FHIP1A: variants seen among roughly 807,000 people sequenced by gnomAD.
FHIP1A encodes FHF complex subunit HOOK-interacting protein 1A.
FHIP1A carries 61 observed loss-of-function variants against 88.6 expected under a neutral mutation model. The observed-to-expected ratio is 0.69, with a 90% CI of 0.56 to 0.85. The LOEUF (loss-of-function observed/expected upper bound fraction) is 0.85, where lower values mean the gene tolerates loss of function less well. Among genes scored for constraint, FHIP1A ranks in the 40% least tolerant of loss-of-function variants. The pLI is 0.00. For synonymous variants in FHIP1A, 478 were observed against 496.0 expected (o/e 0.96, Z 0.48); for missense variants, 1,154 against 1,273.5 (o/e 0.91, Z 1.43).
chr4:151,638,101 A>G (rs1736423339), intron 8 of FHIP1A, among the ~76,000 whole-genome samples: 1 of 152,184 alleles, frequency 6.6e-6, no homozygotes, highest in South Asian at 2.1e-4. Context: ...GTTTTAAAGA[A>G]CTTTTTAGAA....
intron 3 of FHIP1A, among the ~76,000 whole-genome samples, chr4:151,530,193 G>C (rs192115064): frequency 4.5e-4 from 69 of 152,280 alleles, no homozygotes; most frequent in Non-Finnish European, 8.2e-4. Flanking sequence ...TCCTGAGTTG[G>C]AGAACACTAG....
intron 2 of FHIP1A, among the ~76,000 whole-genome samples, chr4:151,456,595 AT>A (rs1469141983): frequency 1.3e-5 from 2 of 152,236 alleles, no homozygotes; most frequent in African/African-American, 4.8e-5. Context: ...TTGTTAAAAT[AT>A]ATAAACATTT....
chr4:151,542,116 T>A (rs1384508518), intron 3 of FHIP1A, among the ~76,000 whole-genome samples: 1 of 152,182 alleles, frequency 6.6e-6, no homozygotes, highest in Non-Finnish European at 1.5e-5. Flanking sequence ...CAGTAAATTC[T>A]GTTCCCCTTC....
At chr4:151,559,580 A>G (rs998002116) in intron 3 of FHIP1A, among the ~76,000 whole-genome samples, 2 of 152,226 alleles carry the variant, frequency 1.3e-5, no homozygotes, top group African/African-American at 4.8e-5. Context: ...TGGCAGCCTT[A>G]TCCTATCAGT....
At chr4:151,541,932 C>T (rs1732309544) in intron 3 of FHIP1A, among the ~76,000 whole-genome samples, 1 of 152,132 alleles carries the variant, frequency 6.6e-6, no homozygotes, top group Non-Finnish European at 1.5e-5. Context: ...ATTGAGACAG[C>T]CAAGTAAAAA....
chr4:151,511,642 A>T (rs572139746), intron 3 of FHIP1A, among the ~76,000 whole-genome samples: 1 of 152,220 alleles, frequency 6.6e-6, no homozygotes, highest in African/African-American at 2.4e-5. Context: ...TATCCCGCAC[A>T]TGGCTCGGAG....
In FHIP1A at chr4:151,505,352, C is replaced by T. The variant is rs116708018; in HGVS notation, c.-123+22704C>T. 8.3e-3 allele frequency among the ~76,000 whole-genome samples: 1,256 copies of T among 152,216 alleles called. 10 individuals carry two copies. The highest frequency in any genetic ancestry group is 0.011 in the Non-Finnish European group (780 of 67,994). On this transcript the variant is annotated intron_variant, in intron 3 of 13. Transcript: ENST00000435205. ...CATGATTATTATCCTTACAAAACTA[C>T]ATGAAATAAGAAAGGAGTCCCCAAA...
intron 3 of FHIP1A, among the ~76,000 whole-genome samples, chr4:151,561,832 T>A (rs1024550472): frequency 3.3e-5 from 5 of 152,126 alleles, no homozygotes; most frequent in Admixed American, 2.0e-4. Flanking sequence ...CAAATATGCC[T>A]TAGTAGTAAA....
At chr4:151,584,716 G>A (rs1023298250) in intron 5 of FHIP1A, among the ~76,000 whole-genome samples, 2 of 151,988 alleles carry the variant, frequency 1.3e-5, no homozygotes, top group African/African-American at 4.8e-5. Flanking sequence ...TCTGATTCCC[G>A]TTTACCTTGC....
intron 5 of FHIP1A, among the ~76,000 whole-genome samples, chr4:151,579,095 G>A (rs553371845): frequency 1.4e-4 from 21 of 152,256 alleles, no homozygotes; most frequent in Admixed American, 1.3e-3. Flanking sequence ...GAGCATTGGG[G>A]CAGGGTGAGG....
At position 151,416,179 on chromosome 4, in the gene FHIP1A, T is replaced by C. The variant is rs1732883408; in HGVS notation, c.-356+6714T>C. ...GTGTGGAAAATGTGAAATAAGATAC[T>C]TTGGCTAAATTTCATGACTCAGGCT... On this transcript the variant is annotated intron_variant, in intron 1 of 13. Transcript: ENST00000435205. Among the ~76,000 whole-genome samples, 6 of 152,350 alleles carry C rather than the reference T, an allele frequency of 3.9e-5. No homozygotes were observed. In the South Asian group the frequency reaches 1.2e-3, roughly 32 times the overall value.
intron 2 of FHIP1A, among the ~76,000 whole-genome samples, chr4:151,455,071 T>A (rs1338262637): frequency 6.6e-6 from 1 of 152,196 alleles, no homozygotes; most frequent in Non-Finnish European, 1.5e-5. Context: ...GTATAGATGA[T>A]GATTTGACTC....
At chr4:151,510,298 G>C (rs1442286040) in intron 3 of FHIP1A, among the ~76,000 whole-genome samples, 3 of 151,894 alleles carry the variant, frequency 2.0e-5, no homozygotes, top group Admixed American at 6.6e-5. Flanking sequence ...TGTAGAGATG[G>C]GGGTCTTACT....
chr4:151,649,615 A>G lies in FHIP1A; in HGVS notation c.1574A>G (p.Tyr525Cys). ...GACTGCCGTGTCTGGTCCGCCCTGTATGATGGCGACTCCCCCGACCCTGAG... is the reference window on the plus strand; with the variant it reads ...GACTGCCGTGTCTGGTCCGCCCTGTGTGATGGCGACTCCCCCGACCCTGAG... ...MRDCRVWSAL[Y>C]DGDSPDPEMF... Residue 525 changes from tyrosine (Y) to cysteine (C), a missense_variant, in exon 11 of 14, where the codon TAT (tyrosine) becomes TGT (cysteine). Physicochemically the swap from Tyr to Cys is radical, Grantham distance 194. Coordinates refer to ENST00000435205, the MANE Select transcript of FHIP1A (RefSeq NM_001109977.3). 2 of 1,551,702 alleles carry G rather than the reference A, an allele frequency of 1.3e-6. No individual in the cohort carries two copies. Among genetic ancestry groups the G allele is most frequent in the Middle Eastern group, 1.7e-4 (1 of 5,992 alleles).
chr4:151,468,154 A>G (rs534531404), intron 2 of FHIP1A, among the ~76,000 whole-genome samples: 1 of 151,844 alleles, frequency 6.6e-6, no homozygotes, highest in African/African-American at 2.4e-5. Flanking sequence ...GTGTGGTGGC[A>G]GGCACCTGTA....
chr4:151,649,873 T>C lies in FHIP1A; in HGVS notation c.1832T>C (p.Ile611Thr), dbSNP rs1736946649. ...DLEVSGPPAP[I>T]DPPKHIQEMK... ...GAGGTTTCAGGCCCCCCAGCACCCATTGATCCCCCCAAACACATCCAGGAG... is the reference window on the plus strand; with the variant it reads ...GAGGTTTCAGGCCCCCCAGCACCCACTGATCCCCCCAAACACATCCAGGAG... The change falls in exon 11 of 14, where the codon ATT (isoleucine) becomes ACT (threonine). Residue 611 changes from isoleucine to threonine, a missense_variant. Physicochemically the swap from Ile to Thr is moderately conservative, Grantham distance 89 (BLOSUM62 -1). Coordinates refer to ENST00000435205, the MANE Select transcript of FHIP1A (RefSeq NM_001109977.3). 2 of 1,551,062 alleles carry C rather than the reference T, an allele frequency of 1.3e-6. No homozygotes were observed. The highest frequency in any genetic ancestry group is 1.7e-6 in the Non-Finnish European group (2 of 1,146,768).
chr4:151,633,398 A>G (rs1408046242), intron 8 of FHIP1A, among the ~76,000 whole-genome samples: 1 of 151,970 alleles, frequency 6.6e-6, no homozygotes, highest in Non-Finnish European at 1.5e-5. Context: ...AAGAATTAAC[A>G]TCAGTCCTCC....
rs542703703 is a variant in FHIP1A at position 151,507,215 on chromosome 4, C to A, written c.-123+24567C>A. On this transcript the variant is annotated intron_variant, in intron 3 of 13. Coordinates refer to ENST00000435205, the MANE Select transcript of FHIP1A (RefSeq NM_001109977.3). ...CACAGCTCACTGCAGCCTTGATCTC[C>A]CAGGCTCAAGTGATCCTCCCAGCTC... 8.5e-5 allele frequency among the ~76,000 whole-genome samples: 13 copies of A among 152,208 alleles called. No homozygotes were observed. In the South Asian group the frequency reaches 2.7e-3, roughly 32 times the overall value.
At chr4:151,525,460 G>C (rs1164976727) in intron 3 of FHIP1A, among the ~76,000 whole-genome samples, 1 of 152,242 alleles carries the variant, frequency 6.6e-6, no homozygotes, top group Non-Finnish European at 1.5e-5. Flanking sequence ...AGGCTCATCT[G>C]ATGCCAAAAT....
Sources: allele counts gnomAD v4.1 joint callset (sites outside exome capture counted in the v4.1 genomes callset), GRCh38; gene constraint gnomAD v4.1.1; transcripts MANE v1.5; gene names NCBI Gene and HGNC (gene_info 2026-07-23, HGNC 2026-07-21).